TTN: variants seen among roughly 807,000 people sequenced by gnomAD.
TTN encodes the protein connectin.
TTN carries 1,525 observed loss-of-function variants against 3,223.0 expected under a neutral mutation model. The observed-to-expected ratio is 0.47, with a 90% CI of 0.45 to 0.49. The LOEUF is 0.49. TTN is among the 20% of genes least tolerant of loss of function. The pLI is 0.00. For synonymous variants in TTN, 14,094 were observed against 15,161.0 expected (o/e 0.93, Z 5.17); for missense variants, 40,786 against 43,424.0 (o/e 0.94, Z 5.40).
Position 178,632,206 on chromosome 2 carries a change from G to A in TTN, c.43688C>T (p.Thr14563Ile), listed in dbSNP as rs778681205. 5.0e-6 allele frequency: 8 copies of A among 1,608,664 alleles called. No homozygotes were observed. The highest frequency in any genetic ancestry group is 1.1e-5 in the South Asian group (1 of 90,122). The change falls in exon 236 of 363, where the codon ACC (threonine) becomes ATC (isoleucine). Residue 14563 changes from threonine to isoleucine, a missense_variant. By Grantham distance (89) the Thr-to-Ile change is moderately conservative (BLOSUM62 -1). Transcript: ENST00000589042. The stretch of plus-strand genomic sequence containing the variant: ...CATAGCTTCTACTCTAATTTGGGAG[G>A]TGTCATCAATAGACAGGTCTTTGAA... ...ITFKDLSIDD[T>I]SQIRVEAMGM...
At position 178,607,459 on chromosome 2, in the gene TTN, C is replaced by A. The variant is rs376469717; in HGVS notation, c.53229G>T (p.Val17743=). ...AACCACAGCTATTTGTAGCTGTAAT[C>A]ACATATCTGCCATGGTCTTTTCGCA... ...DALRKDHGRY[V]ITATNSCGSK... The change falls in exon 277 of 363, where the codon GTG becomes GTT. Residue 17743 remains valine (V), a synonymous_variant. Coordinates refer to ENST00000589042, the MANE Select transcript of TTN (RefSeq NM_001267550.2). 2 of 1,613,202 alleles carry A rather than the reference C, an allele frequency of 1.2e-6. No homozygotes were observed. Among genetic ancestry groups the A allele is most frequent in the East Asian group, 2.2e-5 (1 of 44,758 alleles).
In TTN at chr2:178,543,329, G is replaced by C. The variant is rs975713554; in HGVS notation, c.96644C>G (p.Thr32215Ser). 40 of 1,613,712 alleles carry C rather than the reference G, an allele frequency of 2.5e-5. No individual in the cohort carries two copies. The highest frequency in any genetic ancestry group is 4.0e-5 in the African/African-American group (3 of 74,884). Residue 32215 changes from threonine (T) to serine (S), a missense_variant, in exon 347 of 363, where the codon ACC becomes AGC. By Grantham distance (58) the Thr-to-Ser change is moderately conservative. Coordinates refer to ENST00000589042, the MANE Select transcript of TTN (RefSeq NM_001267550.2). ...VPAKLEVVDVTKSTVTLAWEK... is the reference protein window; with the variant it reads ...VPAKLEVVDVSKSTVTLAWEK... The stretch of plus-strand genomic sequence containing the variant: ...CCAGGCAAGGGTAACAGTGGATTTG[G>C]TGACATCGACCACTTCTAGCTTTGC...
At position 178,746,913 on chromosome 2, in the gene TTN, G is replaced by A. The variant is rs727504760; in HGVS notation, c.11312-4992C>T. On this transcript the variant is annotated intron_variant, in intron 47 of 362. Coordinates refer to ENST00000589042, the MANE Select transcript of TTN (RefSeq NM_001267550.2). ...TTGGGTGTACCAAATGAATCGGAAC[G>A]CCATATTTCATAAGCTGAACCCCTC... The A allele has an allele frequency of 1.5e-5, 25 of 1,613,352 alleles. No individual in the cohort carries two copies. The highest frequency in any genetic ancestry group is 5.0e-5 in the Admixed American group (3 of 59,914).
intron 212 of TTN, 33 bp from the exon 213 acceptor site, chr2:178,649,364 T>C: frequency 2.2e-6 from 3 of 1,373,640 alleles, no homozygotes; most frequent in Non-Finnish European, 2.9e-6. Flanking sequence ...TTAAAAATAG[T>C]ATTTAAAAAC....
rs908969278 is a variant in TTN, at chr2:178,727,828, G to T, written c.19750C>A (p.Gln6584Lys). 6.2e-7 allele frequency: 1 copy of T among 1,602,084 alleles called. No individual in the cohort carries two copies. Among genetic ancestry groups the T allele is most frequent in the African/African-American group, 1.3e-5 (1 of 74,568 alleles). Residue 6584 changes from glutamine to lysine, a missense_variant, in exon 68 of 363, where the codon CAA (glutamine) becomes AAA (lysine). Gln to Lys is a moderately conservative substitution (Grantham distance 53, BLOSUM62 1). Coordinates refer to ENST00000589042, the MANE Select transcript of TTN (RefSeq NM_001267550.2). Reference protein sequence around the residue: ...PSFLVKPGRQQAIPDSTVEFK... With the variant: ...PSFLVKPGRQKAIPDSTVEFK... ...TCCACTGTAGAATCAGGTATGGCTT[G>T]CTGTCGCCCAGGTTTCACTAGGAAG...
At position 178,579,092 on chromosome 2, in the gene TTN, G is replaced by T; in HGVS notation, c.67938C>A (p.Ile22646=). 6.2e-7 allele frequency: 1 copy of T among 1,613,386 alleles called. No individual in the cohort carries two copies. The highest frequency in any genetic ancestry group is 1.1e-5 in the South Asian group (1 of 91,072). The change falls in exon 320 of 363, where the codon ATC becomes ATA. Residue 22646 remains isoleucine (I), a synonymous_variant. Coordinates refer to ENST00000589042, the MANE Select transcript of TTN (RefSeq NM_001267550.2). ...CATCAAATTTGATTGGTCCAGTGGG[G>T]ATGCCAGGCTTGCCAACAACCTTTA... ...ISIKVVGKPG[I]PTGPIKFDEV... is the part of the protein sequence containing the mutation.
rs150364979 is a variant in TTN, at chr2:178,616,947, G to A, written c.47942C>T (p.Thr15981Met). The A allele has an allele frequency of 3.5e-5, 57 of 1,612,670 alleles. No homozygotes were observed. Among genetic ancestry groups the A allele is most frequent in the African/African-American group, 8.0e-5 (6 of 74,912 alleles). ...GLEVIVPNPI[T>M]ILVPSTGYPR... ...ATAGCCTGTACTTGGAACCAGGATC[G>A]TGATAGGATTTGGGACAATAACTTC... is the stretch of plus-strand genomic sequence containing the variant. The change falls in exon 256 of 363, where the codon ACG becomes ATG. Residue 15981 changes from threonine to methionine, a missense_variant. Transcript: ENST00000589042.
At position 178,777,295 on chromosome 2, in the gene TTN, C is replaced by T. The variant is rs145709534; in HGVS notation, c.4668G>A (p.Pro1556=). The stretch of plus-strand genomic sequence containing the variant: ...CATTTTTCAGTTTTTCTACAAACAT[C>T]GGTTTTACCTGATGTTCCACAGCTG... The part of the protein sequence containing the change: ...TVEAVEHQVK[P]MFVEKLKNVN... Residue 1556 remains proline (P), a synonymous_variant, in exon 27 of 363, where the codon CCG becomes CCA. Coordinates refer to ENST00000589042, the MANE Select transcript of TTN (RefSeq NM_001267550.2). 2.5e-5 allele frequency: 40 copies of T among 1,613,712 alleles called. 1 individual carries two copies. In the African/African-American group the frequency reaches 2.9e-4, roughly 12 times the overall value.
Position 178,576,080 on chromosome 2 carries a change from C to A in TTN, c.70052G>T (p.Arg23351Leu), listed in dbSNP as rs376046188. 2 of 1,613,424 alleles carry A rather than the reference C, an allele frequency of 1.2e-6. No individual in the cohort carries two copies. The highest frequency in any genetic ancestry group is 1.7e-6 in the Non-Finnish European group (2 of 1,179,588). The change falls in exon 326 of 363, where the codon CGA (arginine) becomes CTA (leucine). Residue 23351 changes from arginine (R) to leucine (L), a missense_variant. Coordinates refer to ENST00000589042, the MANE Select transcript of TTN (RefSeq NM_001267550.2). This position sits in a 1 kb window ranked among gnomAD's most constrained non-coding sequence, Gnocchi z 4.3. ...TCCTGCTCTAACAACAAGTGTTCTTCGAAGCTCGGCATCTAGTTCAAAATC... is the reference window on the plus strand; with the variant it reads ...TCCTGCTCTAACAACAAGTGTTCTTAGAAGCTCGGCATCTAGTTCAAAATC... Reference protein sequence around the residue: ...APDFELDAELRRTLVVRAGLS... With the variant: ...APDFELDAELLRTLVVRAGLS...
Position 178,534,247 on chromosome 2 carries a change from A to G in TTN, c.102368T>C (p.Val34123Ala), listed in dbSNP as rs1060500587. ...CGGAIRSQKGVSVAKVKVASI... is the reference protein window; with the variant it reads ...CGGAIRSQKGASVAKVKVASI... Reference sequence around the variant, plus strand: ...TGCCACTTTAACTTTAGCAACACTCACTCCCTTCTGAGATCGAATTGCACC... The same window carrying G: ...TGCCACTTTAACTTTAGCAACACTCGCTCCCTTCTGAGATCGAATTGCACC... Residue 34123 changes from valine (V) to alanine (A), a missense_variant, in exon 358 of 363, where the codon GTG (valine) becomes GCG (alanine). Val to Ala is a moderately conservative substitution (Grantham distance 64). Coordinates refer to ENST00000589042, the MANE Select transcript of TTN (RefSeq NM_001267550.2). 1 of 1,613,518 alleles carries G rather than the reference A, an allele frequency of 6.2e-7. No individual in the cohort carries two copies.
rs1244916733 is a variant in TTN, at chr2:178,566,302, G to A, written c.79830C>T (p.Ala26610=). 1.2e-6 allele frequency: 2 copies of A among 1,613,620 alleles called. No homozygotes were observed. Among genetic ancestry groups the A allele is most frequent in the South Asian group, 1.1e-5 (1 of 91,086 alleles). The stretch of plus-strand genomic sequence containing the variant: ...GACCTTTGAATGGAATGTGAATTCT[G>A]GCAGATCCACCAGCTCTTACAACAA... The part of the protein sequence containing the change: ...KGIVVRAGGS[A]RIHIPFKGRP... The change falls in exon 326 of 363, where the codon GCC becomes GCT. Residue 26610 remains alanine (A), a synonymous_variant. Transcript: ENST00000589042.
At chr2:178,648,313 TA>T (rs1438690019) in intron 213 of TTN, among the ~76,000 whole-genome samples, 1 of 152,150 alleles carries the variant, frequency 6.6e-6, no homozygotes, top group Non-Finnish European at 1.5e-5. Context: ...TTACTTGACA[TA>T]AGTTTACTTG....
intron 238 of TTN, 130 bp from the exon 239 acceptor site, chr2:178,630,497 C>CT: frequency 1.6e-6 from 2 of 1,235,450 alleles, no homozygotes; most frequent in South Asian, 1.5e-5. Flanking sequence ...ACTTTGAGCT[C>CT]TTTTTTTAGG....
chr2:178,722,104 T>G lies in TTN; in HGVS notation c.22559A>C (p.Lys7520Thr). 6.3e-7 allele frequency: 1 copy of G among 1,580,544 alleles called. No individual in the cohort carries two copies. Among genetic ancestry groups the G allele is most frequent in the Non-Finnish European group, 8.6e-7 (1 of 1,163,732 alleles). Residue 7520 changes from lysine to threonine, a missense_variant, in exon 78 of 363, where the codon AAG becomes ACG. Lys to Thr is a moderately conservative substitution (Grantham distance 78). Transcript: ENST00000589042. ...AGCAATAACATCTATAGATACAGGC[T>G]TGATGTCAAAGAAGGGAGATTTCTT... is the stretch of plus-strand genomic sequence containing the variant. The part of the protein sequence containing the change: ...EPKKSPFFDI[K>T]PVSIDVIAGE...
In TTN at chr2:178,611,924, A is replaced by G. The variant is rs374672630; in HGVS notation, c.50385T>C (p.Gly16795=). The G allele has an allele frequency of 1.5e-4, 236 of 1,612,176 alleles. No individual in the cohort carries two copies. Among genetic ancestry groups the G allele is most frequent in the Non-Finnish European group, 1.9e-4 (223 of 1,179,152 alleles). The change falls in exon 268 of 363, where the codon GGT becomes GGC. Residue 16795 remains glycine (G), a synonymous_variant. Transcript: ENST00000589042. ...RYVIEKKERL[G]TRWVKAGKTA... ...TCTTTCCAGCTTTCACCCAACGGGTACCTAACCTTTCTTTCTTCTCAATGA... is the reference window on the plus strand; with the variant it reads ...TCTTTCCAGCTTTCACCCAACGGGTGCCTAACCTTTCTTTCTTCTCAATGA...
Position 178,746,642 on chromosome 2 carries a change from T to C in TTN, c.11312-4721A>G. ...TATGATGTTTACAGCATGACACATG[T>C]ACTCTCCCCCTTCTCCTTTTTGAAT... On this transcript the variant is annotated intron_variant, in intron 47 of 362. Coordinates refer to ENST00000589042, the MANE Select transcript of TTN (RefSeq NM_001267550.2). 1 of 1,613,300 alleles carries C rather than the reference T, an allele frequency of 6.2e-7. No individual in the cohort carries two copies. Among genetic ancestry groups the C allele is most frequent in the Non-Finnish European group, 8.5e-7 (1 of 1,179,536 alleles).
At chr2:178,682,552 A>G in intron 135 of TTN, 145 bp downstream of exon 135, 2 of 753,802 alleles carry the variant, frequency 2.7e-6, no homozygotes, top group African/African-American at 3.7e-5. Flanking sequence ...CAAAGAAGAA[A>G]ATTCCGCATT....
Position 178,564,977 on chromosome 2 carries a change from C to G in TTN, c.81155G>C (p.Arg27052Thr), listed in dbSNP as rs762209719. The part of the protein sequence containing the change: ...EYQFRIFAEN[R>T]YGKSAPLDSK... ...ATCCAGTGGGGCACTTTTTCCATAC[C>G]TGTTTTCAGCAAAAATTCTAAACTG... is the stretch of plus-strand genomic sequence containing the variant. Residue 27052 changes from arginine (R) to threonine (T), a missense_variant, in exon 326 of 363, where the codon AGG (arginine) becomes ACG (threonine). Coordinates refer to ENST00000589042, the MANE Select transcript of TTN (RefSeq NM_001267550.2). 8.1e-6 allele frequency: 13 copies of G among 1,611,470 alleles called. No homozygotes were observed. The highest frequency in any genetic ancestry group is 8.5e-7 in the Non-Finnish European group (1 of 1,178,858).
chr2:178,688,658 CT>C lies in TTN; in HGVS notation c.32197+18del, dbSNP rs2071504055. The C allele has an allele frequency of 1.9e-6, 3 of 1,565,466 alleles. No individual in the cohort carries two copies. Among genetic ancestry groups the C allele is most frequent in the Non-Finnish European group, 2.6e-6 (3 of 1,135,896 alleles). On this transcript the variant is annotated intron_variant, in intron 126 of 362. Coordinates refer to ENST00000589042, the MANE Select transcript of TTN (RefSeq NM_001267550.2). ...AAACACACACAAACTCATTTATCCCCTGACTTCCGATTATATACCTTCGTGC... is the reference window on the plus strand; with the variant it reads ...AAACACACACAAACTCATTTATCCCCGACTTCCGATTATATACCTTCGTGC...
Sources: allele counts gnomAD v4.1 joint callset (sites outside exome capture counted in the v4.1 genomes callset), GRCh38; gene constraint gnomAD v4.1.1; non-coding constraint Gnocchi (gnomAD v3.1); transcripts MANE v1.5; gene names NCBI Gene and HGNC (gene_info 2026-07-23, HGNC 2026-07-21).